The following MGLL variants were observed in gnomAD, a reference collection of about 807,000 sequenced individuals.
The protein encoded by MGLL is lysophospholipase homolog.
A neutral mutation model predicts 29.1 loss-of-function variants in MGLL; 7 were observed. The observed-to-expected ratio is 0.24, with a 90% confidence interval of 0.14 to 0.45. The LOEUF (loss-of-function observed/expected upper bound fraction) is 0.45, where lower values mean the gene tolerates loss of function less well. Ranked by LOEUF, MGLL falls within the 20% of genes least tolerant of loss-of-function variation. The pLI, the probability that MGLL is intolerant of heterozygous loss-of-function variation, is 0.99. For synonymous variants in MGLL, 148 were observed against 168.3 expected, an observed-to-expected ratio of 0.88 and a Z score of 0.93; for missense variants, 356 against 413.6, an observed-to-expected ratio of 0.86 and a Z score of 1.21.
At chr3:127,799,858 G>T (rs2077446766) in intron 2 of MGLL, among the ~76,000 whole-genome samples, 1 of 152,216 alleles carries the variant, frequency 6.6e-6, no homozygotes, top group South Asian at 2.1e-4. Flanking sequence ...CAAAAGAGAA[G>T]ATGGTCTTTA....
intron 3 of MGLL, among the ~76,000 whole-genome samples, chr3:127,756,947 C>T (rs1005258675): frequency 3.7e-4 from 57 of 152,220 alleles, no homozygotes; most frequent in African/African-American, 1.3e-3. Flanking sequence ...TCTTGCCATA[C>T]ATCCCTTCAG....
intron 6 of MGLL, among the ~76,000 whole-genome samples, chr3:127,704,297 C>G (rs2075556781): frequency 1.3e-5 from 2 of 152,268 alleles, no homozygotes; most frequent in Admixed American, 1.3e-4. Flanking sequence ...CTAGGCAATA[C>G]CATTCAGGAC....
intron 2 of MGLL, among the ~76,000 whole-genome samples, chr3:127,815,824 T>C (rs1576323984): frequency 1.3e-5 from 2 of 152,362 alleles, no homozygotes; most frequent in African/African-American, 4.8e-5. Flanking sequence ...GGCTGCATCA[T>C]ATTATAATTA....
intron 2 of MGLL, among the ~76,000 whole-genome samples, chr3:127,802,718 C>T (rs929588008): frequency 2.6e-5 from 4 of 152,206 alleles, no homozygotes; most frequent in African/African-American, 4.8e-5. Context: ...CTAGGCCAGC[C>T]GGGGCCCTGG....
At chr3:127,815,825 AT>A (rs2077744975) in intron 2 of MGLL, among the ~76,000 whole-genome samples, 1 of 152,228 alleles carries the variant, frequency 6.6e-6, no homozygotes, top group African/African-American at 2.4e-5. Flanking sequence ...GCTGCATCAT[AT>A]TATAATTATC....
chr3:127,799,135 C>T (rs1025079440), intron 2 of MGLL, among the ~76,000 whole-genome samples: 1 of 152,170 alleles, frequency 6.6e-6, no homozygotes, highest in African/African-American at 2.4e-5. Context: ...TGCCAGGGAC[C>T]AAGTGCTCCT....
chr3:127,694,873 G>A (rs1559902712), intron 7 of MGLL, 102 bp downstream of exon 7: 1 of 1,128,986 alleles, frequency 8.9e-7, no homozygotes, highest in Admixed American at 1.8e-5. Context: ...CCTGAGACCT[G>A]GGAGGTGGCC....
rs149504349 is a variant in MGLL at position 127,780,530 on chromosome 3, C to T, written c.262+1259G>A. ...TCTCACAAATATTACTGGGACAGTT[C>T]GCAAAGCACTAAAGAACGTCACAAC... On this transcript the variant is annotated intron_variant, in intron 3 of 7. Transcript: ENST00000265052. Among the ~76,000 whole-genome samples the T allele has an allele frequency of 8.9e-3, 1,356 of 152,314 alleles. 17 individuals carry two copies. Among genetic ancestry groups the T allele is most frequent in the African/African-American group, 0.031 (1,276 of 41,548 alleles).
intron 6 of MGLL, among the ~76,000 whole-genome samples, chr3:127,700,432 A>G (rs2075456591): frequency 6.6e-6 from 1 of 151,750 alleles, no homozygotes; most frequent in African/African-American, 2.4e-5. Context: ...GCCTTCCCAG[A>G]CCCCCACAGA....
intron 2 of MGLL, among the ~76,000 whole-genome samples, chr3:127,794,175 TG>T (rs1282953094): frequency 2.0e-5 from 3 of 152,220 alleles, no homozygotes; most frequent in African/African-American, 7.2e-5. Flanking sequence ...CTGGGCGTGG[TG>T]GCTTGTGTCT....
chr3:127,757,481 T>C (rs1453796935), intron 3 of MGLL, among the ~76,000 whole-genome samples: 1 of 152,174 alleles, frequency 6.6e-6, no homozygotes, highest in Admixed American at 6.5e-5. Flanking sequence ...TACACACACA[T>C]ATATACAACC....
chr3:127,777,657 G>GA (rs2077057621), intron 3 of MGLL, among the ~76,000 whole-genome samples: 1 of 152,212 alleles, frequency 6.6e-6, no homozygotes, highest in African/African-American at 2.4e-5. Context: ...ACTACAGATG[G>GA]AACCCTGGGC....
At chr3:127,802,023 G>T (rs1045023511) in intron 2 of MGLL, among the ~76,000 whole-genome samples, 1 of 152,012 alleles carries the variant, frequency 6.6e-6, no homozygotes, top group Admixed American at 6.6e-5. Flanking sequence ...AGGCTCTGGG[G>T]ACACATCTCA....
At chr3:127,740,069 A>G (rs947413069) in intron 3 of MGLL, among the ~76,000 whole-genome samples, 3 of 152,362 alleles carry the variant, frequency 2.0e-5, no homozygotes, top group Admixed American at 6.5e-5. Context: ...CAGGCCGCAC[A>G]GGAATGTGGG....
chr3:127,710,509 C>T (rs969469908), intron 6 of MGLL, 67 bp downstream of exon 6: 3 of 1,373,502 alleles, frequency 2.2e-6, no homozygotes. Context: ...AAGGCTGGAG[C>T]CAAAACTCTG....
intron 2 of MGLL, among the ~76,000 whole-genome samples, chr3:127,792,184 G>T (rs2077310949): frequency 6.6e-6 from 1 of 152,192 alleles, no homozygotes; most frequent in Admixed American, 6.5e-5. Flanking sequence ...CTGGCTTTCA[G>T]ATACTTGTGT....
Position 127,756,702 on chromosome 3 carries a change from G to A in MGLL, c.262+25087C>T, listed in dbSNP as rs569615662. Among the ~76,000 whole-genome samples the A allele has an allele frequency of 2.0e-5, 3 of 152,306 alleles. No individual in the cohort carries two copies. In the South Asian group the frequency reaches 6.2e-4, roughly 32 times the overall value. On this transcript the variant is annotated intron_variant, in intron 3 of 7. Coordinates refer to ENST00000265052, the MANE Select transcript of MGLL (RefSeq NM_007283.7). Reference sequence around the variant, plus strand: ...CCTATCTCCAGACTTCTTTTCAGAAGAGAAATAAACCTTTTTCTTGTGTAA... The same window carrying A: ...CCTATCTCCAGACTTCTTTTCAGAAAAGAAATAAACCTTTTTCTTGTGTAA...
chr3:127,801,648 G>T (rs1406843485), intron 2 of MGLL, among the ~76,000 whole-genome samples: 1 of 151,798 alleles, frequency 6.6e-6, no homozygotes, highest in Non-Finnish European at 1.5e-5. Context: ...AAAATTAAAA[G>T]GGGTGACATT....
chr3:127,816,675 G>A (rs1203101799), intron 2 of MGLL, among the ~76,000 whole-genome samples: 2 of 152,220 alleles, frequency 1.3e-5, no homozygotes, highest in Admixed American at 6.5e-5. Flanking sequence ...GGAAGTGCCC[G>A]AGGATGGCAC....
Sources: allele counts gnomAD v4.1 joint callset (sites outside exome capture counted in the v4.1 genomes callset), GRCh38; gene constraint gnomAD v4.1.1; transcripts MANE v1.5; gene names NCBI Gene and HGNC (gene_info 2026-07-23, HGNC 2026-07-21).